Variants in CD8B observed in about 807,000 individuals in gnomAD.
CD8B encodes CD8 subunit beta.
In CD8B, 6 loss-of-function variants were observed where a neutral mutation model predicts 24.2. The observed-to-expected ratio is 0.25, with a 90% CI of 0.14 to 0.49. CD8B has a LOEUF of 0.49. Ranked by LOEUF, CD8B falls within the 20% of genes least tolerant of loss-of-function variation. The pLI is 0.98. For synonymous variants in CD8B, 84 were observed against 108.3 expected (o/e 0.78, Z 1.39); for missense variants, 196 against 271.3 (o/e 0.72, Z 1.95).
Position 86,858,171 on chromosome 2 carries a change from T to C in CD8B, c.289A>G (p.Ser97Gly), listed in dbSNP as rs779620836. 96 of 1,613,880 alleles carry C rather than the reference T, an allele frequency of 5.9e-5. 1 individual carries two copies. The Admixed American group carries it at 1.6e-3, about 27-fold the overall frequency. The change falls in exon 2 of 6, where the codon AGC (serine) becomes GGC (glycine). Residue 97 changes from serine to glycine, a missense_variant. Coordinates refer to ENST00000390655, the MANE Select transcript of CD8B (RefSeq NM_004931.5). ...CTTGTGAGATTGAGAATGAACCGGC[T>C]TGCATCCCGAAACACAGCTATCTTC... is the stretch of plus-strand genomic sequence containing the variant. Reference protein sequence around the residue: ...QEKIAVFRDASRFILNLTSVK... With the variant: ...QEKIAVFRDAGRFILNLTSVK...
rs184830112 is a variant in CD8B, at chr2:86,847,386, A to G, written c.494-613T>C. Among the ~76,000 whole-genome samples, 121 of 152,338 alleles carry G rather than the reference A, an allele frequency of 7.9e-4. 1 individual carries two copies. Among genetic ancestry groups the G allele is most frequent in the African/African-American group, 2.8e-3 (118 of 41,574 alleles). The stretch of plus-strand genomic sequence containing the variant: ...TTATTTTTAAAACTTTTAATTTCAC[A>G]AGAAATAGCTGAATATATTTTCATT... On this transcript the variant is annotated intron_variant, in intron 3 of 5. Coordinates refer to ENST00000390655, the MANE Select transcript of CD8B (RefSeq NM_004931.5).
downstream of CD8B, among the ~76,000 whole-genome samples, chr2:86,835,482 C>A (rs1302586409): frequency 6.6e-6 from 1 of 152,050 alleles, no homozygotes; most frequent in Non-Finnish European, 1.5e-5. Context: ...TGTTGCTCTC[C>A]CCTCCCTATG....
chr2:86,816,742 G>A lies in CD8B; in HGVS notation c.621-1024C>T, dbSNP rs199866719. Among the ~76,000 whole-genome samples, 9 of 152,120 alleles carry A rather than the reference G, an allele frequency of 5.9e-5. No individual in the cohort carries two copies. The East Asian group carries it at 1.5e-3, about 26-fold the overall frequency. On this transcript the variant is annotated intron_variant, in intron 5 of 5. Coordinates refer to the CD8B transcript ENST00000331469. ...ACTCCAGATAGAATAAATATGAAAA[G>A]CAAAGTTTCAAAACTTTTTTAAAAA...
At chr2:86,855,135 G>A (rs569258113) in intron 2 of CD8B, among the ~76,000 whole-genome samples, 13 of 151,880 alleles carry the variant, frequency 8.6e-5, no homozygotes, top group African/African-American at 3.1e-4. Context: ...AAAAGGTTTT[G>A]GGGGGTTGTA....
chr2:86,841,529 C>G lies in CD8B; in HGVS notation c.*778G>C, dbSNP rs1675421959. On this transcript the variant is annotated 3_prime_UTR_variant, in exon 6 of 6. Coordinates refer to ENST00000390655, the MANE Select transcript of CD8B (RefSeq NM_004931.5). ...TCCTTCTGGTTTCTGTTCCACGGAG[C>G]ACTGATGTCTTTGCTGTAGATGGGC... The G allele has an allele frequency of 5.3e-6, 5 of 936,412 alleles. No individual in the cohort carries two copies. Among genetic ancestry groups the G allele is most frequent in the Middle Eastern group, 5.4e-4 (1 of 1,856 alleles). 58.0% of individuals were successfully genotyped at this position (936,412 alleles called of 1,614,324 possible). A position where few individuals can be genotyped will look rare whatever the true frequency, so the allele number is the denominator to read the frequency against.
At position 86,858,155 on chromosome 2, in the gene CD8B, T is replaced by G; in HGVS notation, c.305A>C (p.Asn102Thr). The G allele has an allele frequency of 6.2e-7, 1 of 1,613,974 alleles. No homozygotes were observed. Among genetic ancestry groups the G allele is most frequent in the African/African-American group, 1.3e-5 (1 of 75,030 alleles). Residue 102 changes from asparagine (N) to threonine (T), a missense_variant, in exon 2 of 6, where the codon AAT (asparagine) becomes ACT (threonine). Coordinates refer to ENST00000390655, the MANE Select transcript of CD8B (RefSeq NM_004931.5). ...GTCTTCCGGCTTCACGCTTGTGAGA[T>G]TGAGAATGAACCGGCTTGCATCCCG... Reference protein sequence around the residue: ...VFRDASRFILNLTSVKPEDSG... With the variant: ...VFRDASRFILTLTSVKPEDSG...
chr2:86,815,845 G>A (rs1222198725), intron 5 of CD8B: 1 of 684,020 alleles, frequency 1.5e-6, no homozygotes, highest in East Asian at 2.5e-5. Flanking sequence ...ATTCAACACA[G>A]AAAGAGCCAG....
At chr2:86,846,307 C>G (rs1426479037) in intron 4 of CD8B, among the ~76,000 whole-genome samples, 22 of 152,172 alleles carry the variant, frequency 1.4e-4, no homozygotes, top group Admixed American at 1.2e-3. Flanking sequence ...GTCTCAACTG[C>G]TCACGTGAGT....
intron 5 of CD8B, among the ~76,000 whole-genome samples, chr2:86,827,678 G>A (rs1674747731): frequency 6.6e-6 from 1 of 152,010 alleles, no homozygotes; most frequent in Non-Finnish European, 1.5e-5. Flanking sequence ...GCTGTAAAGG[G>A]TGTTCACGTT....
downstream of CD8B, chr2:86,815,545 G>A: frequency 2.0e-6 from 2 of 1,001,714 alleles, no homozygotes; most frequent in Non-Finnish European, 3.2e-6. Flanking sequence ...GGATCCCTCT[G>A]AGCGAGGGAG....
intron 1 of CD8B, 54 bp downstream of exon 1, chr2:86,861,769 C>T (rs1398049859): frequency 1.6e-6 from 2 of 1,226,680 alleles, no homozygotes; most frequent in African/African-American, 1.6e-5. Flanking sequence ...ATCACCTCCC[C>T]GCTCAGGCCC....
chr2:86,831,763 T>A (rs988615902), intron 5 of CD8B, among the ~76,000 whole-genome samples: 2 of 152,140 alleles, frequency 1.3e-5, no homozygotes, highest in East Asian at 3.9e-4. Flanking sequence ...AAGTAGAAAC[T>A]GAAGATCAGC....
At chr2:86,843,007 G>A (rs1408139341) in intron 5 of CD8B, among the ~76,000 whole-genome samples, 1 of 152,130 alleles carries the variant, frequency 6.6e-6, no homozygotes, top group Non-Finnish European at 1.5e-5. Context: ...TAAAATGAAG[G>A]GGTGGGGACA....
chr2:86,849,139 A>G (rs1194302302), intron 3 of CD8B, among the ~76,000 whole-genome samples: 1 of 152,290 alleles, frequency 6.6e-6, no homozygotes, highest in Non-Finnish European at 1.5e-5. Flanking sequence ...GTGGACACAG[A>G]TCCTCCGAGT....
At chr2:86,846,626 C>T (rs971639249) in intron 4 of CD8B, 58 bp downstream of exon 4, 2 of 784,740 alleles carry the variant, frequency 2.5e-6, no homozygotes, top group Non-Finnish European at 4.1e-6. Context: ...GAAAATATCC[C>T]AGGGACACTT....
At chr2:86,852,379 A>C (rs1362208172) in intron 3 of CD8B, among the ~76,000 whole-genome samples, 2 of 152,156 alleles carry the variant, frequency 1.3e-5, no homozygotes, top group Non-Finnish European at 2.9e-5. Context: ...GTACAATGTC[A>C]TGGTTTTTAG....
chr2:86,830,651 C>T (rs1674872936), intron 5 of CD8B, among the ~76,000 whole-genome samples: 1 of 151,620 alleles, frequency 6.6e-6, no homozygotes. Context: ...AGTGAAATTG[C>T]TGGTTCAAAA....
rs371538068 is a variant in CD8B, at chr2:86,855,254, C to T, written c.404-2168G>A. 3.8e-4 allele frequency among the ~76,000 whole-genome samples: 58 copies of T among 152,278 alleles called. No individual in the cohort carries two copies. In the East Asian group the frequency reaches 7.7e-3, roughly 20 times the overall value. On this transcript the variant is annotated intron_variant, in intron 2 of 5. Transcript: ENST00000390655. ...ACCTCTCTGAGCCTCCTCTGGAAAG[C>T]GGAGAGAACACGATCTGTTTGTCTG...
At position 86,841,584 on chromosome 2, in the gene CD8B, T is replaced by C; in HGVS notation, c.*723A>G. ...GCACGTTTATGTCACAGGAGCCGTTTGTTATCTTTAACCTGGGACTTTATT... is the reference window on the plus strand; with the variant it reads ...GCACGTTTATGTCACAGGAGCCGTTCGTTATCTTTAACCTGGGACTTTATT... On this transcript the variant is annotated 3_prime_UTR_variant, in exon 6 of 6. Transcript: ENST00000390655. 1 of 985,360 alleles carries C rather than the reference T, an allele frequency of 1.0e-6. No homozygotes were observed. Among genetic ancestry groups the C allele is most frequent in the Non-Finnish European group, 1.2e-6 (1 of 829,876 alleles). The allele number at this position is 985,360 out of a possible 1,614,324, so 61.0% of individuals were successfully genotyped here. A position where few individuals can be genotyped will look rare whatever the true frequency, so the allele number is the denominator to read the frequency against.
Sources: gnomAD v4.1 joint callset for allele counts (sites outside exome capture counted in the v4.1 genomes callset) on GRCh38, gnomAD v4.1.1 for gene constraint, MANE v1.5 for transcripts, NCBI Gene and HGNC (gene_info 2026-07-23, HGNC 2026-07-21) for gene names.